TERB1: variants seen among roughly 807,000 people sequenced by gnomAD.
TERB1 encodes telomere repeats-binding bouquet formation protein 1.
Under a neutral mutation model 92.3 loss-of-function variants are expected in TERB1, and 63 were observed. That is an observed-to-expected ratio of 0.68 (90% CI 0.56 to 0.84). The LOEUF (loss-of-function observed/expected upper bound fraction) is 0.84, where lower values mean the gene tolerates loss of function less well. Among genes scored for constraint, TERB1 ranks in the 40% least tolerant of loss-of-function variants. The pLI, the probability that TERB1 is intolerant of heterozygous loss-of-function variation, is 0.00. For missense variants in TERB1, 709 were observed against 843.7 expected, an observed-to-expected ratio of 0.84 and a Z score of 1.98; for synonymous variants, 252 against 283.9, an observed-to-expected ratio of 0.89 and a Z score of 1.13.
intron 5 of TERB1, 102 bp downstream of exon 5, chr16:66,790,493 T>C (rs996680538): frequency 1.2e-6 from 1 of 854,644 alleles, no homozygotes; most frequent in South Asian, 2.6e-5. Context: ...TTCAAACATG[T>C]AAAAAAAAGG....
In TERB1 at chr16:66,770,144, C is replaced by T; in HGVS notation, c.1438G>A (p.Val480Ile). 1.3e-6 allele frequency: 2 copies of T among 1,552,308 alleles called. No homozygotes were observed. The highest frequency in any genetic ancestry group is 1.7e-6 in the Non-Finnish European group (2 of 1,147,124). The change falls in exon 14 of 19, where the codon GTC (valine) becomes ATC (isoleucine). Residue 480 changes from valine to isoleucine, a missense_variant. Transcript: ENST00000433154. ...TCATTTGTACATGCTTTAGACATGA[C>T]TCCATGGGACTTATAACTCTGTAAC... ...RQLQSYKSHG[V>I]MSKACTNDDQ...
intron 9 of TERB1, among the ~76,000 whole-genome samples, chr16:66,782,371 G>A (rs907897866): frequency 1.3e-5 from 2 of 152,082 alleles, no homozygotes; most frequent in African/African-American, 4.8e-5. Flanking sequence ...CCAACATGGT[G>A]AAACCCCATC....
At chr16:66,797,615 A>C (rs1959204211) in intron 2 of TERB1, among the ~76,000 whole-genome samples, 1 of 127,378 alleles carries the variant, frequency 7.9e-6, no homozygotes, top group Non-Finnish European at 1.6e-5. Flanking sequence ...GAGAGGTTTA[A>C]AAACACACCA....
intron 9 of TERB1, among the ~76,000 whole-genome samples, chr16:66,784,781 C>A (rs891009698): frequency 7.6e-6 from 1 of 131,214 alleles, no homozygotes; most frequent in African/African-American, 2.9e-5. Context: ...AACGGAGTCT[C>A]ATTCTGTCAC....
intron 18 of TERB1, 45 bp downstream of exon 18, chr16:66,758,728 C>G (rs1597006064): frequency 8.2e-7 from 1 of 1,220,328 alleles, no homozygotes; most frequent in East Asian, 2.6e-5. Context: ...GTAACAGAGC[C>G]AGACCCTGTC....
intron 2 of TERB1, among the ~76,000 whole-genome samples, chr16:66,797,304 C>T (rs549847414): frequency 1.1e-4 from 17 of 150,166 alleles, no homozygotes; most frequent in Admixed American, 9.3e-4. Flanking sequence ...GGCTTGATCA[C>T]GACTCCCTGC....
chr16:66,788,591 C>CAAA (rs80141541), intron 5 of TERB1, among the ~76,000 whole-genome samples: 1 of 117,856 alleles, frequency 8.5e-6, no homozygotes, highest in South Asian at 2.6e-4. Context: ...TAAAATTTAG[C>CAAA]AAAAAAAAAA....
intron 16 of TERB1, among the ~76,000 whole-genome samples, chr16:66,764,041 C>T (rs898800423): frequency 4.6e-5 from 7 of 151,790 alleles, no homozygotes; most frequent in African/African-American, 1.5e-4. Flanking sequence ...TTGCAGGGAA[C>T]GAGACCAAGA....
At chr16:66,789,017 C>CAAAAAAAAAAA (rs57876042) in intron 5 of TERB1, among the ~76,000 whole-genome samples, 3 of 68,318 alleles carry the variant, frequency 4.4e-5, no homozygotes, top group Non-Finnish European at 6.0e-5. Context: ...GGTATGGTAC[C>CAAAAAAAAAAA]AAAAAAAAAA....
At position 66,770,215 on chromosome 16, in the gene TERB1, C is replaced by A. The variant is rs1033010550; in HGVS notation, c.1367G>T (p.Gly456Val). 3.9e-6 allele frequency: 6 copies of A among 1,552,150 alleles called. No individual in the cohort carries two copies. Among genetic ancestry groups the A allele is most frequent in the Non-Finnish European group, 5.2e-6 (6 of 1,147,118 alleles). Residue 456 changes from glycine (G) to valine (V), a missense_variant, in exon 14 of 19, where the codon GGT becomes GTT. Physicochemically the swap from Gly to Val is moderately radical, Grantham distance 109. Coordinates refer to ENST00000433154, the MANE Select transcript of TERB1 (RefSeq NM_001136505.2). ...CTCATCTTCTGCTTTGCTACCTCGACCAATCCGATCTGCATGGAGATGTTT... is the reference window on the plus strand; with the variant it reads ...CTCATCTTCTGCTTTGCTACCTCGAACAATCCGATCTGCATGGAGATGTTT... ...TWKHLHADRI[G>V]RGSKAEDEDK... is the part of the protein sequence containing the mutation.
rs201460994 is a variant in TERB1 at position 66,775,709 on chromosome 16, A to ATTT, written c.986-469_986-467dup. Among the ~76,000 whole-genome samples the ATTT allele has an allele frequency of 7.7e-5, 10 of 129,592 alleles. 1 individual carries two copies. The highest frequency in any genetic ancestry group is 2.0e-4 in the African/African-American group (7 of 34,782). 85.0% of individuals were successfully genotyped at this position (129,592 alleles called of 152,430 possible). Reference sequence around the variant, plus strand: ...TAGAGAAACACATAGTTTCAAAAGGATTTTTTTTTTTTTTTTTTTGAGAGG... The same window carrying ATTT: ...TAGAGAAACACATAGTTTCAAAAGGATTTTTTTTTTTTTTTTTTTTTTGAGAGG... On this transcript the variant is annotated intron_variant, in intron 11 of 18. Coordinates refer to ENST00000433154, the MANE Select transcript of TERB1 (RefSeq NM_001136505.2).
intron 14 of TERB1, among the ~76,000 whole-genome samples, chr16:66,768,788 A>T (rs1246968320): frequency 6.6e-6 from 1 of 152,168 alleles, no homozygotes; most frequent in Non-Finnish European, 1.5e-5. Context: ...GAAAATATTA[A>T]TAAGTTGGCT....
chr16:66,787,771 T>C (rs2018753253), intron 6 of TERB1, among the ~76,000 whole-genome samples: 1 of 152,202 alleles, frequency 6.6e-6, no homozygotes, highest in Admixed American at 6.5e-5. Flanking sequence ...AACCCACTTT[T>C]CTTTAAATTA....
At chr16:66,792,433 G>A (rs956493063) in intron 3 of TERB1, among the ~76,000 whole-genome samples, 6 of 152,114 alleles carry the variant, frequency 3.9e-5, no homozygotes, top group African/African-American at 7.2e-5. Context: ...AGCCAGTGCC[G>A]TCAGGTAAGA....
chr16:66,800,399 T>G (rs1456960637), intron 2 of TERB1, among the ~76,000 whole-genome samples: 3 of 146,450 alleles, frequency 2.0e-5, no homozygotes, highest in Admixed American at 6.8e-5. Flanking sequence ...AAAGTTTTTT[T>G]TTTTTTTTTT....
At chr16:66,801,592 T>C (rs1959308430), upstream of TERB1, 2 of 152,138 alleles carry the variant, frequency 1.3e-5, no homozygotes, top group African/African-American at 4.8e-5. Context: ...CACGACAGGG[T>C]TTCCCGCCCA....
intron 3 of TERB1, among the ~76,000 whole-genome samples, chr16:66,792,499 C>T (rs139479275): frequency 1.3e-5 from 2 of 152,322 alleles, no homozygotes; most frequent in Admixed American, 1.3e-4. Flanking sequence ...TTGCATACAA[C>T]ATGATCTTCT....
chr16:66,770,171 G>C lies in TERB1; in HGVS notation c.1411C>G (p.Gln471Glu), dbSNP rs1235053778. 8.4e-6 allele frequency: 13 copies of C among 1,552,192 alleles called. No homozygotes were observed. The highest frequency in any genetic ancestry group is 9.6e-6 in the Non-Finnish European group (11 of 1,147,130). Residue 471 changes from glutamine (Q) to glutamate (E), a missense_variant, in exon 14 of 19, where the codon CAG (glutamine) becomes GAG (glutamate). Gln to Glu is a conservative substitution (Grantham distance 29). Coordinates refer to ENST00000433154, the MANE Select transcript of TERB1 (RefSeq NM_001136505.2). ...AEDEDKSHSR[Q>E]LQSYKSHGVM... The stretch of plus-strand genomic sequence containing the variant: ...CCATGGGACTTATAACTCTGTAACT[G>C]TCTAGAATGGCTTTTATCCTCATCT...
intron 9 of TERB1, among the ~76,000 whole-genome samples, chr16:66,779,553 A>C (rs1180121607): frequency 6.6e-6 from 1 of 152,152 alleles, no homozygotes. Flanking sequence ...AGCTGAGCTC[A>C]CACTACTGTA....
Sources: gnomAD v4.1 joint callset for allele counts (sites outside exome capture counted in the v4.1 genomes callset) on GRCh38, gnomAD v4.1.1 for gene constraint, MANE v1.5 for transcripts, NCBI Gene and HGNC (gene_info 2026-07-23, HGNC 2026-07-21) for gene names.